The following SULF2 variants were observed in gnomAD, a reference collection of about 807,000 sequenced individuals.
SULF2 encodes the protein sulfatase 2, also known as extracellular sulfatase Sulf-2.
In SULF2, 52 loss-of-function variants were observed where a neutral mutation model predicts 107.7. That is an observed-to-expected ratio of 0.48 (90% CI 0.39 to 0.61). The LOEUF (loss-of-function observed/expected upper bound fraction) is 0.61, where lower values mean the gene tolerates loss of function less well. SULF2 is among the 20% of genes least tolerant of loss of function. The pLI is 0.00. For missense variants in SULF2, 993 were observed against 1,177.3 expected, an observed-to-expected ratio of 0.84 and a Z score of 2.29; for synonymous variants, 460 against 464.3, an observed-to-expected ratio of 0.99 and a Z score of 0.12.
intron 1 of SULF2, among the ~76,000 whole-genome samples, chr20:47,760,189 CAGGA>C (rs962313563): frequency 1.3e-5 from 2 of 152,152 alleles, no homozygotes; most frequent in Non-Finnish European, 2.9e-5. Context: ...TGAAAAACCC[CAGGA>C]AGGGTCACTC....
chr20:47,706,567 A>T (rs1309316125), intron 3 of SULF2: 1 of 152,276 alleles, frequency 6.6e-6, no homozygotes, highest in Non-Finnish European at 1.5e-5. Context: ...GGTTAGGTCC[A>T]TTGGCTGTGG....
intron 2 of SULF2, among the ~76,000 whole-genome samples, chr20:47,742,072 C>T (rs2146817246): frequency 6.6e-6 from 1 of 152,356 alleles, no homozygotes; most frequent in East Asian, 1.9e-4. Flanking sequence ...GACAACAGTG[C>T]CCCGGAATGA....
chr20:47,683,594 G>A (rs982168456), intron 6 of SULF2, among the ~76,000 whole-genome samples: 1 of 152,270 alleles, frequency 6.6e-6, no homozygotes, highest in South Asian at 2.1e-4. Flanking sequence ...GAAGGGCGCC[G>A]TGTGGCAGAA....
intron 1 of SULF2, among the ~76,000 whole-genome samples, chr20:47,772,280 T>C (rs2090645141): frequency 6.6e-6 from 1 of 152,252 alleles, no homozygotes; most frequent in African/African-American, 2.4e-5. Flanking sequence ...GACTGTGCTG[T>C]GTATCACAGG....
At chr20:47,754,732 T>C (rs2090241091) in intron 2 of SULF2, among the ~76,000 whole-genome samples, 1 of 152,232 alleles carries the variant, frequency 6.6e-6, no homozygotes, top group South Asian at 2.1e-4. Flanking sequence ...AGTGAAAAAC[T>C]AACAAACGCA....
chr20:47,699,338 T>C (rs552860568), intron 4 of SULF2, among the ~76,000 whole-genome samples: 2 of 152,040 alleles, frequency 1.3e-5, no homozygotes, highest in Non-Finnish European at 1.5e-5. Flanking sequence ...TGGAACCAAA[T>C]GTGACTAGTC....
chr20:47,738,582 T>C (rs2089801290), intron 2 of SULF2, among the ~76,000 whole-genome samples: 1 of 152,106 alleles, frequency 6.6e-6, no homozygotes, highest in Admixed American at 6.6e-5. Context: ...TGGGAGACAG[T>C]TGAATCATGG....
intron 4 of SULF2, among the ~76,000 whole-genome samples, chr20:47,692,211 G>A (rs1475718141): frequency 6.6e-6 from 1 of 152,158 alleles, no homozygotes; most frequent in Non-Finnish European, 1.5e-5. Context: ...AAGGTGAAGA[G>A]GTGTCTACAG....
chr20:47,681,771 C>T (rs1028801558), intron 7 of SULF2, among the ~76,000 whole-genome samples: 4 of 152,178 alleles, frequency 2.6e-5, no homozygotes, highest in Non-Finnish European at 5.9e-5. Context: ...CTGCAACCTC[C>T]ACCTCCCAGG....
chr20:47,675,886 G>A, intron 10 of SULF2, among the ~76,000 whole-genome samples: 1 of 151,776 alleles, frequency 6.6e-6, no homozygotes, highest in African/African-American at 2.4e-5. Flanking sequence ...TATGTTTTTA[G>A]AGACAGGGTC....
chr20:47,729,239 G>A (rs1258378948), intron 3 of SULF2, among the ~76,000 whole-genome samples: 5 of 152,212 alleles, frequency 3.3e-5, no homozygotes, highest in Non-Finnish European at 5.9e-5. Flanking sequence ...GTGACTGAGG[G>A]GAGACCAGGA....
intron 18 of SULF2, among the ~76,000 whole-genome samples, chr20:47,660,638 C>T (rs2087035258): frequency 6.6e-6 from 1 of 151,900 alleles, no homozygotes. Flanking sequence ...GATGGGGCGA[C>T]AGCTCTGTCT....
At chr20:47,778,843 G>A (rs1451117142) in intron 1 of SULF2, among the ~76,000 whole-genome samples, 3 of 152,116 alleles carry the variant, frequency 2.0e-5, no homozygotes, top group Admixed American at 2.0e-4. Context: ...GGGAGGCTGG[G>A]GGGAGAAAAC....
intron 18 of SULF2, among the ~76,000 whole-genome samples, chr20:47,661,192 C>G (rs570979776): frequency 5.9e-5 from 9 of 152,268 alleles, no homozygotes; most frequent in Middle Eastern, 3.4e-3. Flanking sequence ...GCTGCACCCC[C>G]TGAGCTGCTT....
At chr20:47,682,594 A>C in intron 7 of SULF2, among the ~76,000 whole-genome samples, 1 of 152,190 alleles carries the variant, frequency 6.6e-6, no homozygotes, top group Admixed American at 6.5e-5. Context: ...GAGTTGGCTC[A>C]GCTGATCCCA....
intron 2 of SULF2, among the ~76,000 whole-genome samples, chr20:47,739,114 C>A (rs1056758940): frequency 1.8e-4 from 27 of 152,184 alleles, no homozygotes; most frequent in Non-Finnish European, 1.5e-5. Flanking sequence ...GGAAGCACAG[C>A]CATGCTAACA....
chr20:47,675,334 A>AG (rs960382152), intron 10 of SULF2, among the ~76,000 whole-genome samples: 12 of 152,190 alleles, frequency 7.9e-5, no homozygotes, highest in African/African-American at 2.9e-4. Flanking sequence ...CCCTGCGCCT[A>AG]GGACAGTGCC....
At chr20:47,674,977 C>T (rs1380443250) in intron 10 of SULF2, among the ~76,000 whole-genome samples, 1 of 152,178 alleles carries the variant, frequency 6.6e-6, no homozygotes, top group Non-Finnish European at 1.5e-5. Flanking sequence ...AGGCTAAGTG[C>T]CCCAAACTCC....
chr20:47,694,992 C>T lies in SULF2; in HGVS notation c.568-4697G>A, dbSNP rs2088326134. Among the ~76,000 whole-genome samples, 1 of 152,162 alleles carries T rather than the reference C, an allele frequency of 6.6e-6. No individual in the cohort carries two copies. Among genetic ancestry groups the T allele is most frequent in the Non-Finnish European group, 1.5e-5 (1 of 68,018 alleles). ...AGCCAAGGCCTTTGTATTTTTGGGT[C>T]AGGTCCATCTTTTTCTCCCCGCCAC... On this transcript the variant is annotated intron_variant, in intron 4 of 20. Coordinates refer to ENST00000688720, the MANE Select transcript of SULF2 (RefSeq NM_001387048.1). This position sits in a 1 kb window ranked among gnomAD's most constrained non-coding sequence, Gnocchi z 4.4.
Sources: gnomAD v4.1 joint callset for allele counts (sites outside exome capture counted in the v4.1 genomes callset) on GRCh38, gnomAD v4.1.1 for gene constraint, Gnocchi (gnomAD v3.1) non-coding constraint, MANE v1.5 for transcripts, NCBI Gene and HGNC (gene_info 2026-07-23, HGNC 2026-07-21) for gene names.